Variants in MTFR1 observed in about 807,000 individuals in gnomAD.
MTFR1 encodes the protein mitochondrial fission regulator 1, also known as chondrocyte protein with a poly-proline region.
MTFR1 carries 28 observed loss-of-function variants against 38.8 expected under a neutral mutation model. That is an observed-to-expected ratio of 0.72 (90% CI 0.53 to 0.99). The LOEUF (loss-of-function observed/expected upper bound fraction) is 0.99, where lower values mean the gene tolerates loss of function less well. Ranked by LOEUF, MTFR1 falls within the 50% of genes least tolerant of loss-of-function variation. The pLI, the probability that MTFR1 is intolerant of heterozygous loss-of-function variation, is 0.00. For missense variants in MTFR1, 358 were observed against 395.5 expected (o/e 0.91, Z 0.81); for synonymous variants, 145 against 137.0 (o/e 1.06, Z -0.41).
chr8:65,770,119 TTCTGTG>T (rs1809007077), intron 3 of MTFR1, among the ~76,000 whole-genome samples: 1 of 120,514 alleles, frequency 8.3e-6, no homozygotes, highest in South Asian at 2.9e-4. Flanking sequence ...TGCAGTATAC[TTCTGTG>T]TGTGTGTGTG....
At chr8:65,764,747 TAATC>T (rs145683770) in intron 3 of MTFR1, among the ~76,000 whole-genome samples, 3,911 of 152,212 alleles carry the variant, frequency 0.026, 188 homozygotes, top group African/African-American at 0.088. Context: ...ATGAAACAAA[TAATC>T]AAAGTCTAAC....
the MTFR1 span, among the ~76,000 whole-genome samples, chr8:65,776,906 G>A: frequency 2.0e-5 from 3 of 152,124 alleles, no homozygotes; most frequent in Non-Finnish European, 1.5e-5. Context: ...TAGGAAAGAT[G>A]ATGAAAGATA....
At chr8:65,665,641 G>A (rs888936357) in intron 1 of MTFR1, among the ~76,000 whole-genome samples, 8 of 152,104 alleles carry the variant, frequency 5.3e-5, no homozygotes, top group Admixed American at 1.3e-4. Flanking sequence ...TCCTTATCGC[G>A]CTAGCCAGCC....
At chr8:65,770,151 G>A (rs1415643802) in intron 3 of MTFR1, among the ~76,000 whole-genome samples, 1 of 149,600 alleles carries the variant, frequency 6.7e-6, no homozygotes, top group Non-Finnish European at 1.5e-5. Flanking sequence ...GTGTGTGTGT[G>A]TGTGTGTGTG....
downstream of MTFR1, among the ~76,000 whole-genome samples, chr8:65,711,071 A>G (rs1805931428): frequency 6.6e-6 from 1 of 152,182 alleles, no homozygotes; most frequent in African/African-American, 2.4e-5. Flanking sequence ...GGAGCTTTAC[A>G]TGATCCCCTG....
upstream of MTFR1, among the ~76,000 whole-genome samples, chr8:65,644,337 G>C (rs1808889211): frequency 6.6e-6 from 1 of 152,162 alleles, no homozygotes; most frequent in Non-Finnish European, 1.5e-5. Flanking sequence ...CTGCCGGGTG[G>C]ACACAGGTCC....
downstream of MTFR1, among the ~76,000 whole-genome samples, chr8:65,773,190 C>G (rs1809161814): frequency 6.6e-6 from 1 of 152,094 alleles, no homozygotes; most frequent in African/African-American, 2.4e-5. Context: ...ACAAAACACA[C>G]TAGATTACAA....
chr8:65,698,687 C>T (rs1220369163), intron 4 of MTFR1, among the ~76,000 whole-genome samples: 1 of 151,656 alleles, frequency 6.6e-6, no homozygotes, highest in Non-Finnish European at 1.5e-5. Context: ...TTTTTTGATC[C>T]TCACCTTCTA....
Position 65,669,884 on chromosome 8 carries a change from G to T in MTFR1, c.-69G>T, listed in dbSNP as rs552969338. 1.7e-6 allele frequency: 2 copies of T among 1,204,392 alleles called. No individual in the cohort carries two copies. Among genetic ancestry groups the T allele is most frequent in the South Asian group, 2.6e-5 (2 of 76,180 alleles). The allele number at this position is 1,204,392 out of a possible 1,614,324, so 74.6% of individuals were successfully genotyped here. A position where few individuals can be genotyped will look rare whatever the true frequency, so the allele number is the denominator to read the frequency against. Reference sequence around the variant, plus strand: ...TTTTAAATTTTCAGTGTGTTTTATGGACCATGTGCTGCTATGTATGCCTGA... The same window carrying T: ...TTTTAAATTTTCAGTGTGTTTTATGTACCATGTGCTGCTATGTATGCCTGA... On this transcript the variant is annotated 5_prime_UTR_variant, in exon 2 of 8. Coordinates refer to ENST00000262146, the MANE Select transcript of MTFR1 (RefSeq NM_014637.4).
intron 1 of MTFR1, among the ~76,000 whole-genome samples, chr8:65,651,654 T>A (rs997381047): frequency 5.9e-5 from 9 of 152,132 alleles, no homozygotes; most frequent in Admixed American, 2.0e-4. Context: ...GTTCCATTGG[T>A]CTATGTGTCT....
intron 3 of MTFR1, among the ~76,000 whole-genome samples, chr8:65,757,017 C>T (rs754758353): frequency 1.3e-5 from 2 of 152,196 alleles, no homozygotes; most frequent in African/African-American, 2.4e-5. Flanking sequence ...AGGTGCACCA[C>T]TCTCCAGGAA....
chr8:65,662,049 C>CTCTCCCTCTCTG, intron 1 of MTFR1, among the ~76,000 whole-genome samples: 2 of 86,998 alleles, frequency 2.3e-5, no homozygotes, highest in Non-Finnish European at 5.2e-5. Flanking sequence ...CTCCCTCTCT[C>CTCTCCCTCTCTG]TCTCCCTCTC....
chr8:65,744,551 C>T lies in MTFR1; in HGVS notation c.*48+25070C>T, dbSNP rs186600709. Among the ~76,000 whole-genome samples the T allele has an allele frequency of 6.6e-3, 1,009 of 152,210 alleles. 12 individuals carry two copies. Among genetic ancestry groups the T allele is most frequent in the African/African-American group, 0.023 (968 of 41,512 alleles). ...GATTAGAATCACCTGTGGGCATTTT[C>T]CCCCAAACCACCCATACTCTGTAGA... On this transcript the variant is annotated intron_variant, in intron 3 of 3. Transcript: ENST00000521247.
At chr8:65,687,815 T>C (rs1805134032) in intron 3 of MTFR1, among the ~76,000 whole-genome samples, 1 of 152,046 alleles carries the variant, frequency 6.6e-6, no homozygotes, top group Admixed American at 6.6e-5. Flanking sequence ...AATACAGCAA[T>C]TCGGCTAGGC....
intron 3 of MTFR1, among the ~76,000 whole-genome samples, chr8:65,751,875 C>T (rs1461894155): frequency 6.6e-6 from 1 of 152,156 alleles, no homozygotes; most frequent in Non-Finnish European, 1.5e-5. Context: ...ATTTTACAAC[C>T]TGTTCTGCAT....
At chr8:65,698,531 A>C (rs577343709) in intron 4 of MTFR1, among the ~76,000 whole-genome samples, 1 of 152,104 alleles carries the variant, frequency 6.6e-6, no homozygotes, top group African/African-American at 2.4e-5. Context: ...CCAAACTCCA[A>C]ATTTTTTAAA....
At chr8:65,670,968 T>A (rs1400151277) in intron 2 of MTFR1, among the ~76,000 whole-genome samples, 1 of 152,184 alleles carries the variant, frequency 6.6e-6, no homozygotes, top group Non-Finnish European at 1.5e-5. Flanking sequence ...GTGCTGGGAT[T>A]ATAGACGTGG....
intron 3 of MTFR1, chr8:65,722,045 C>T (rs1806400642): frequency 6.6e-6 from 1 of 152,214 alleles, no homozygotes; most frequent in Admixed American, 6.5e-5. Flanking sequence ...CCCGCCTCGG[C>T]TTCCCAAAGT....
At chr8:65,762,078 A>G (rs898758348) in intron 3 of MTFR1, among the ~76,000 whole-genome samples, 1 of 152,238 alleles carries the variant, frequency 6.6e-6, no homozygotes, top group Non-Finnish European at 1.5e-5. Flanking sequence ...GAAGATACTA[A>G]TCATGAATTA....
Sources: allele counts gnomAD v4.1 joint callset (sites outside exome capture counted in the v4.1 genomes callset), GRCh38; gene constraint gnomAD v4.1.1; transcripts MANE v1.5; gene names NCBI Gene and HGNC (gene_info 2026-07-23, HGNC 2026-07-21).